LDAH: variants seen among roughly 807,000 people sequenced by gnomAD.
LDAH encodes lipid droplet associated hydrolase.
A neutral mutation model predicts 29.6 loss-of-function variants in LDAH; 26 were observed. The observed-to-expected ratio is 0.88, with a 90% confidence interval of 0.64 to 1.22. LDAH has a LOEUF of 1.22. LDAH is among the 50% of genes most tolerant of loss of function. The probability of loss-of-function intolerance (pLI) is 0.00; values close to 1 mark genes in which losing one functional copy is unlikely to be tolerated. For synonymous variants in LDAH, 117 were observed against 133.0 expected (o/e 0.88, Z 0.83); for missense variants, 344 against 387.3 (o/e 0.89, Z 0.94).
intron 6 of LDAH, among the ~76,000 whole-genome samples, chr2:20,699,950 A>C (rs914609396): frequency 6.6e-6 from 1 of 152,228 alleles, no homozygotes; most frequent in Non-Finnish European, 1.5e-5. Flanking sequence ...AGTATTTTAC[A>C]GCAGCTGGCT....
chr2:20,816,912 C>T (rs1329197777), intron 1 of LDAH, among the ~76,000 whole-genome samples: 2 of 151,800 alleles, frequency 1.3e-5, no homozygotes, highest in African/African-American at 4.8e-5. Context: ...AACAGAAAAA[C>T]AACAGGTAAA....
chr2:20,801,974 G>GTA (rs1671721836), intron 1 of LDAH, among the ~76,000 whole-genome samples: 2 of 149,486 alleles, frequency 1.3e-5, no homozygotes, highest in African/African-American at 2.5e-5. Flanking sequence ...GTGTGTGTGT[G>GTA]TGTATGTATG....
chr2:20,748,880 T>G (rs1418259583), intron 4 of LDAH, among the ~76,000 whole-genome samples: 1 of 151,906 alleles, frequency 6.6e-6, no homozygotes, highest in East Asian at 1.9e-4. Flanking sequence ...GGAGCTGGAG[T>G]GCTATGTATG....
In LDAH at chr2:20,772,775, G is replaced by T. The variant is rs531347008; in HGVS notation, c.468+2035C>A. 1.1e-3 allele frequency among the ~76,000 whole-genome samples: 169 copies of T among 152,312 alleles called. 2 individuals are homozygous for T. Among genetic ancestry groups the T allele is most frequent in the African/African-American group, 3.9e-3 (163 of 41,568 alleles). On this transcript the variant is annotated intron_variant, in intron 4 of 6. Transcript: ENST00000237822. ...CAGCTAGACAGGCCGACACGTTAAA[G>T]AAGGTGGCCTCCCCCCAAATGCCAC...
At chr2:20,764,053 C>T (rs1240648096) in intron 4 of LDAH, among the ~76,000 whole-genome samples, 1 of 151,740 alleles carries the variant, frequency 6.6e-6, no homozygotes, top group African/African-American at 2.4e-5. Context: ...AATTTTTCCA[C>T]TTTGAAAGCA....
chr2:20,728,597 G>GT lies in LDAH; in HGVS notation c.703+11373dup, dbSNP rs560795755. On this transcript the variant is annotated intron_variant, in intron 5 of 6. Coordinates refer to ENST00000237822, the MANE Select transcript of LDAH (RefSeq NM_021925.4). Reference sequence around the variant, plus strand: ...GGTACTAGGAATCACCATAGTGATGGTAAGGGCAAGCCTGGGCGAAGGCAG... The same window carrying GT: ...GGTACTAGGAATCACCATAGTGATGGTTAAGGGCAAGCCTGGGCGAAGGCAG... Among the ~76,000 whole-genome samples the GT allele has an allele frequency of 2.4e-4, 36 of 152,280 alleles. No individual in the cohort carries two copies. The South Asian group carries it at 7.3e-3, about 31-fold the overall frequency.
chr2:20,792,915 A>AT (rs1401122987), intron 2 of LDAH, among the ~76,000 whole-genome samples: 22 of 152,232 alleles, frequency 1.4e-4, no homozygotes, highest in African/African-American at 3.4e-4. Flanking sequence ...AACTTAACAT[A>AT]TTTTTTTAAA....
At chr2:20,789,484 AACTG>A (rs1670794549) in intron 3 of LDAH, 2 of 1,269,524 alleles carry the variant, frequency 1.6e-6, no homozygotes, top group Admixed American at 3.0e-5. Flanking sequence ...TAGCAGCCCA[AACTG>A]ACTAAGACAC....
At chr2:20,782,847 C>T (rs1044710805) in intron 3 of LDAH, among the ~76,000 whole-genome samples, 4 of 151,970 alleles carry the variant, frequency 2.6e-5, no homozygotes, top group African/African-American at 4.8e-5. Context: ...TTTTTATCAT[C>T]TTTTCTTCTC....
At chr2:20,755,543 A>G (rs1262143873) in intron 4 of LDAH, among the ~76,000 whole-genome samples, 1 of 152,202 alleles carries the variant, frequency 6.6e-6, no homozygotes, top group Non-Finnish European at 1.5e-5. Flanking sequence ...GGTGCCAGTA[A>G]CAGTGCAGGG....
intron 4 of LDAH, among the ~76,000 whole-genome samples, chr2:20,768,368 T>A (rs1030318056): frequency 1.3e-5 from 2 of 152,150 alleles, no homozygotes; most frequent in Non-Finnish European, 2.9e-5. Context: ...GCCACCGCAT[T>A]CCCTGGTGCC....
In LDAH at chr2:20,771,190, T is replaced by G. The variant is rs546571622; in HGVS notation, c.468+3620A>C. 2.0e-5 allele frequency among the ~76,000 whole-genome samples: 3 copies of G among 152,300 alleles called. No individual in the cohort carries two copies. The South Asian group carries it at 6.2e-4, about 32-fold the overall frequency. On this transcript the variant is annotated intron_variant, in intron 4 of 6. Coordinates refer to ENST00000237822, the MANE Select transcript of LDAH (RefSeq NM_021925.4). ...GTATATTAAAATACAGGTCAGACAG[T>G]ATATCTGACATATACAATAAGTCTC...
At chr2:20,721,656 C>T (rs974711692) in intron 5 of LDAH, among the ~76,000 whole-genome samples, 3 of 151,946 alleles carry the variant, frequency 2.0e-5, no homozygotes, top group Admixed American at 6.6e-5. Flanking sequence ...GGTGAGGATG[C>T]AGAGAAAGGG....
chr2:20,697,680 A>G (rs1663592197), intron 6 of LDAH, among the ~76,000 whole-genome samples: 1 of 152,232 alleles, frequency 6.6e-6, no homozygotes, highest in Non-Finnish European at 1.5e-5. Context: ...AAGCCACAAC[A>G]TCATGCTACC....
At chr2:20,760,070 CA>C (rs1418001305) in intron 4 of LDAH, among the ~76,000 whole-genome samples, 4 of 152,150 alleles carry the variant, frequency 2.6e-5, no homozygotes, top group African/African-American at 9.7e-5. Flanking sequence ...GGCAAGCTAT[CA>C]AAAGACATGC....
chr2:20,728,242 AGCCTCCTAAAAGGCATGCTG>A (rs1272802361), intron 5 of LDAH, among the ~76,000 whole-genome samples: 1 of 152,176 alleles, frequency 6.6e-6, no homozygotes, highest in African/African-American at 2.4e-5. Context: ...AACACTGCAA[AGCCTCCTAAAAGGCATGCTG>A]GCAGGTTAAA....
intron 5 of LDAH, among the ~76,000 whole-genome samples, chr2:20,726,213 T>C (rs1182818259): frequency 6.6e-6 from 1 of 152,128 alleles, no homozygotes; most frequent in Non-Finnish European, 1.5e-5. Context: ...TCTGCACATA[T>C]CCAGGGCTTG....
At chr2:20,821,278 A>C (rs1226432707) in intron 1 of LDAH, among the ~76,000 whole-genome samples, 2 of 152,244 alleles carry the variant, frequency 1.3e-5, no homozygotes, top group Non-Finnish European at 2.9e-5. Context: ...ATATACCCAA[A>C]GGAATATAAA....
Position 20,735,450 on chromosome 2 carries a change from GT to G in LDAH, c.703+4520del, listed in dbSNP as rs914786124. Among the ~76,000 whole-genome samples the G allele has an allele frequency of 3.3e-3, 489 of 150,240 alleles. 2 individuals are homozygous for G. The highest frequency in any genetic ancestry group is 1.0e-2 in the African/African-American group (409 of 40,912). On this transcript the variant is annotated intron_variant, in intron 5 of 6. Coordinates refer to ENST00000237822, the MANE Select transcript of LDAH (RefSeq NM_021925.4). The stretch of plus-strand genomic sequence containing the variant: ...AAATTTGTTCTAAAATTTCCACTCA[GT>G]TTTTTTTTAATCTTCTCTTTCCTAA...
Sources: gnomAD v4.1 joint callset for allele counts (sites outside exome capture counted in the v4.1 genomes callset) on GRCh38, gnomAD v4.1.1 for gene constraint, MANE v1.5 for transcripts, NCBI Gene and HGNC (gene_info 2026-07-23, HGNC 2026-07-21) for gene names.